Variants in ALDH1A2 observed in about 807,000 individuals in gnomAD.
ALDH1A2 encodes the protein aldehyde dehydrogenase 1 family member A2.
A neutral mutation model predicts 60.3 loss-of-function variants in ALDH1A2; 27 were observed. The ratio of observed to expected loss-of-function variants is 0.45; its 90% CI spans 0.33 to 0.62. The LOEUF (loss-of-function observed/expected upper bound fraction) is 0.62, where lower values mean the gene tolerates loss of function less well. ALDH1A2 is among the 20% of genes least tolerant of loss of function. The pLI, the probability that ALDH1A2 is intolerant of heterozygous loss-of-function variation, is 0.02. For missense variants in ALDH1A2, 581 were observed against 643.8 expected (o/e 0.90, Z 1.06); for synonymous variants, 289 against 232.4 (o/e 1.24, Z -2.21).
intron 7 of ALDH1A2, among the ~76,000 whole-genome samples, chr15:57,979,226 T>G (rs566343340): frequency 6.6e-6 from 1 of 152,262 alleles, no homozygotes; most frequent in African/African-American, 2.4e-5. Context: ...ACAGGCCCCC[T>G]TTCCCAGGGG....
chr15:57,985,706 C>A (rs1456090986), intron 7 of ALDH1A2, among the ~76,000 whole-genome samples: 2 of 152,208 alleles, frequency 1.3e-5, no homozygotes, highest in African/African-American at 4.8e-5. Context: ...GTTTACTATA[C>A]ATAAGATACT....
At chr15:58,013,533 T>C (rs1372418696) in intron 3 of ALDH1A2, among the ~76,000 whole-genome samples, 3 of 152,154 alleles carry the variant, frequency 2.0e-5, no homozygotes, top group East Asian at 1.9e-4. Flanking sequence ...TGCTTCAAAG[T>C]ATCCTTTTAG....
intron 7 of ALDH1A2, among the ~76,000 whole-genome samples, chr15:57,984,332 CTT>C (rs35209296): frequency 0.012 from 1,804 of 152,250 alleles, 40 homozygotes; most frequent in African/African-American, 0.042. Context: ...AATGTAAAGC[CTT>C]TAATACTTTG....
intron 1 of ALDH1A2, among the ~76,000 whole-genome samples, chr15:58,023,248 A>G (rs1231144029): frequency 6.6e-6 from 1 of 152,218 alleles, no homozygotes; most frequent in Non-Finnish European, 1.5e-5. Context: ...AATCTTCAAG[A>G]CAGGTCTTTT....
At position 58,055,694 on chromosome 15, in the gene ALDH1A2, T is replaced by G. The variant is rs1325612098; in HGVS notation, c.117+9840A>C. On this transcript the variant is annotated intron_variant, in intron 1 of 12. Coordinates refer to ENST00000249750, the MANE Select transcript of ALDH1A2 (RefSeq NM_003888.4). Reference sequence around the variant, plus strand: ...ACAATATTTTCTTTAAAATTAGAGATACACATGTATGAACCAAATCACTGA... The same window carrying G: ...ACAATATTTTCTTTAAAATTAGAGAGACACATGTATGAACCAAATCACTGA... Among the ~76,000 whole-genome samples the G allele has an allele frequency of 2.0e-5, 3 of 152,106 alleles. No homozygotes were observed. In the East Asian group the frequency reaches 5.8e-4, roughly 29 times the overall value.
At chr15:58,005,931 G>A (rs9635347) in intron 4 of ALDH1A2, among the ~76,000 whole-genome samples, 133,564 of 151,834 alleles carry the variant, frequency 0.88, 60,247 homozygotes, top group East Asian at 1. Flanking sequence ...CATATTTAAG[G>A]ACTTGCCTAC....
At chr15:57,964,214 A>G in intron 8 of ALDH1A2, 145 bp from the exon 9 acceptor site, 2 of 730,808 alleles carry the variant, frequency 2.7e-6, no homozygotes, top group South Asian at 1.8e-5. Context: ...TGGGAATGCA[A>G]CTAGTTCTAA....
chr15:57,972,281 C>T (rs1305977856), intron 7 of ALDH1A2, among the ~76,000 whole-genome samples: 1 of 152,192 alleles, frequency 6.6e-6, no homozygotes, highest in East Asian at 1.9e-4. Context: ...TCCAGACCTT[C>T]TCCTGGGAAT....
chr15:57,988,767 C>A (rs1322751189), intron 7 of ALDH1A2, among the ~76,000 whole-genome samples: 1 of 152,186 alleles, frequency 6.6e-6, no homozygotes, highest in Non-Finnish European at 1.5e-5. Flanking sequence ...CAGATTTGAA[C>A]CCAAGCTGCC....
chr15:58,004,680 A>C (rs1895388372), intron 4 of ALDH1A2, among the ~76,000 whole-genome samples: 1 of 143,036 alleles, frequency 7.0e-6, no homozygotes, highest in African/African-American at 2.6e-5. Context: ...ATGGCTGTGT[A>C]GTATCCCATG....
intron 7 of ALDH1A2, among the ~76,000 whole-genome samples, chr15:57,968,238 A>G (rs1022473411): frequency 6.6e-6 from 1 of 152,236 alleles, no homozygotes; most frequent in Admixed American, 6.5e-5. Context: ...TTAAACCAGT[A>G]TTTATTGAGT....
intron 12 of ALDH1A2, among the ~76,000 whole-genome samples, chr15:57,959,583 C>T (rs1221524136): frequency 6.6e-6 from 1 of 152,054 alleles, no homozygotes; most frequent in East Asian, 1.9e-4. Flanking sequence ...TGAAGGCTTG[C>T]CAGATATTCT....
intron 1 of ALDH1A2, chr15:58,058,017 TCA>T (rs1435010814): frequency 6.7e-7 from 1 of 1,496,842 alleles, no homozygotes; most frequent in Admixed American, 2.0e-5. Context: ...TTCACCAGTT[TCA>T]GTTTTATTGG....
chr15:58,010,604 G>C (rs1414470722), intron 4 of ALDH1A2, 45 bp downstream of exon 4: 23 of 1,608,064 alleles, frequency 1.4e-5, no homozygotes, highest in Middle Eastern at 1.7e-4. Flanking sequence ...GCGCATTTCT[G>C]GTGGTTTCAC....
intron 1 of ALDH1A2, among the ~76,000 whole-genome samples, chr15:58,025,346 G>C (rs1896051062): frequency 1.3e-5 from 2 of 151,860 alleles, no homozygotes; most frequent in African/African-American, 2.4e-5. Flanking sequence ...ATTGAAAACA[G>C]AGACATTACA....
At position 57,955,191 on chromosome 15, in the gene ALDH1A2, G is replaced by A. The variant is rs761329415; in HGVS notation, c.*6C>T. 4 of 1,613,786 alleles carry A rather than the reference G, an allele frequency of 2.5e-6. No individual in the cohort carries two copies. The Admixed American group carries it at 6.7e-5, about 27-fold the overall frequency. ...AGGCTGGGCTTCATCCTCCTTCTTG[G>A]CCTTCTTAGGAGTTCTTCTGGGGGA... On this transcript the variant is annotated 3_prime_UTR_variant, in exon 13 of 13. Coordinates refer to ENST00000249750, the MANE Select transcript of ALDH1A2 (RefSeq NM_003888.4).
chr15:58,014,189 T>G lies in ALDH1A2; in HGVS notation c.210A>C (p.Gln70His), dbSNP rs1395149803. The change falls in exon 2 of 13, where the codon CAA becomes CAC. Residue 70 changes from glutamine to histidine, a missense_variant. Coordinates refer to ENST00000249750, the MANE Select transcript of ALDH1A2 (RefSeq NM_003888.4). ...PATGEQVCEV[Q>H]EADKADIDKA... Reference sequence around the variant, plus strand: ...ACAAAAGACATACCTTGTCTGCTTCTTGAACTTCACACACCTGTTCTCCTG... The same window carrying G: ...ACAAAAGACATACCTTGTCTGCTTCGTGAACTTCACACACCTGTTCTCCTG... 1 of 1,614,152 alleles carries G rather than the reference T, an allele frequency of 6.2e-7. No individual in the cohort carries two copies.
At chr15:58,047,198 G>A (rs572091516) in intron 1 of ALDH1A2, among the ~76,000 whole-genome samples, 189 of 152,058 alleles carry the variant, frequency 1.2e-3, no homozygotes, top group African/African-American at 4.5e-3. Context: ...GTGAATCTTT[G>A]ACATAAAGCT....
chr15:58,033,234 A>G (rs1896291096), intron 1 of ALDH1A2, among the ~76,000 whole-genome samples: 1 of 152,034 alleles, frequency 6.6e-6, no homozygotes. Context: ...ATATGTGCAA[A>G]TAAAAAATGC....
Sources: allele counts gnomAD v4.1 joint callset (sites outside exome capture counted in the v4.1 genomes callset), GRCh38; gene constraint gnomAD v4.1.1; transcripts MANE v1.5; gene names NCBI Gene and HGNC (gene_info 2026-07-23, HGNC 2026-07-21).